Variants in FAM210A observed in about 807,000 individuals in gnomAD.
The protein encoded by FAM210A is family with sequence similarity 210 member A.
In FAM210A, 13 loss-of-function variants were observed where a neutral mutation model predicts 25.3. The ratio of observed to expected loss-of-function variants is 0.51; its 90% confidence interval spans 0.33 to 0.82. The LOEUF (loss-of-function observed/expected upper bound fraction) is 0.82, where lower values mean the gene tolerates loss of function less well. Ranked by LOEUF, FAM210A falls within the 40% of genes least tolerant of loss-of-function variation. The pLI, the probability that FAM210A is intolerant of heterozygous loss-of-function variation, is 0.02. For synonymous variants in FAM210A, 125 were observed against 118.7 expected (o/e 1.05, Z -0.35); for missense variants, 319 against 323.2 (o/e 0.99, Z 0.10).
At chr18:13,681,535 C>T in intron 2 of FAM210A, 70 bp downstream of exon 2, 1 of 1,223,980 alleles carries the variant, frequency 8.2e-7, no homozygotes, top group Non-Finnish European at 1.1e-6. Context: ...CTAAAGCTAT[C>T]ATTAGTACAA....
chr18:13,706,373 G>A (rs2043778307), intron 1 of FAM210A, among the ~76,000 whole-genome samples: 1 of 151,348 alleles, frequency 6.6e-6, no homozygotes, highest in South Asian at 2.1e-4. Flanking sequence ...CGTCTGTTGT[G>A]TGAACTTATG....
intron 1 of FAM210A, among the ~76,000 whole-genome samples, chr18:13,683,964 CCT>C (rs778572388): frequency 7.9e-5 from 12 of 152,236 alleles, no homozygotes; most frequent in South Asian, 2.1e-4. Flanking sequence ...AAATTAATCC[CCT>C]GACTCATCCC....
chr18:13,701,892 C>A (rs1381985307), intron 1 of FAM210A, among the ~76,000 whole-genome samples: 2 of 152,178 alleles, frequency 1.3e-5, no homozygotes, highest in Non-Finnish European at 2.9e-5. Flanking sequence ...GGGTTAGAGG[C>A]CCTCCTGTCA....
intron 1 of FAM210A, among the ~76,000 whole-genome samples, chr18:13,721,219 G>A (rs2043895453): frequency 6.6e-6 from 1 of 152,068 alleles, no homozygotes; most frequent in South Asian, 2.1e-4. Context: ...GTGTATTTTT[G>A]GCTTTGTTAG....
intron 1 of FAM210A, among the ~76,000 whole-genome samples, chr18:13,688,131 T>C (rs1320360448): frequency 3.3e-5 from 5 of 152,122 alleles, no homozygotes; most frequent in Non-Finnish European, 5.9e-5. Context: ...GATACAATGA[T>C]AGGGACAGGA....
intron 3 of FAM210A, among the ~76,000 whole-genome samples, chr18:13,668,917 A>ACTGC (rs1457242706): frequency 6.6e-6 from 1 of 152,188 alleles, no homozygotes; most frequent in Non-Finnish European, 1.5e-5. Context: ...GTGGCACATG[A>ACTGC]CTGCATGTTC....
At chr18:13,691,269 T>A (rs944005813) in intron 1 of FAM210A, among the ~76,000 whole-genome samples, 4 of 152,130 alleles carry the variant, frequency 2.6e-5, no homozygotes, top group Admixed American at 2.0e-4. Context: ...AAAGACCAAA[T>A]CTACGTCTGA....
intron 3 of FAM210A, among the ~76,000 whole-genome samples, chr18:13,667,760 A>C (rs905716551): frequency 7.1e-6 from 1 of 140,582 alleles, no homozygotes; most frequent in Non-Finnish European, 1.6e-5. Flanking sequence ...GGCAGGTACA[A>C]TGGCTCACGC....
At chr18:13,695,081 G>C (rs2043680943) in intron 1 of FAM210A, among the ~76,000 whole-genome samples, 1 of 152,186 alleles carries the variant, frequency 6.6e-6, no homozygotes. Context: ...CTAAAAAGAA[G>C]ACATTTATGC....
Position 13,681,781 on chromosome 18 carries a change from AC to A in FAM210A, c.296del (p.Ser99MetfsTer39). 6.2e-7 allele frequency: 1 copy of A among 1,614,174 alleles called. No individual in the cohort carries two copies. The highest frequency in any genetic ancestry group is 8.5e-7 in the Non-Finnish European group (1 of 1,180,042). ...HVSFRRVFSS[S>X]ATAQGTPEKK... is the part of the protein sequence containing the mutation. ...TTTCCGGAGTTCCCTGAGCTGTGGC[AC>A]TGGATGAAAAAACCCTCCTGAATGA... On this transcript the variant is annotated frameshift_variant, in exon 2 of 4. Transcript: ENST00000651643. LOFTEE classifies it high-confidence loss of function.
rs1252803042 is a variant in FAM210A at position 13,682,066 on chromosome 18, A to G, written c.12T>C (p.Asn4=). 1.7e-5 allele frequency: 27 copies of G among 1,578,784 alleles called. No individual in the cohort carries two copies. The highest frequency in any genetic ancestry group is 2.2e-5 in the East Asian group (1 of 44,472). The change falls in exon 2 of 4, where the codon AAT becomes AAC. Residue 4 remains asparagine, a synonymous_variant. Coordinates refer to ENST00000651643, the MANE Select transcript of FAM210A (RefSeq NM_152352.4). Reference sequence around the variant, plus strand: ...CCAGTCGAGATACAGTCCGTGGTACATTCCATTGCATTTTGAAGAGTGTTG... The same window carrying G: ...CCAGTCGAGATACAGTCCGTGGTACGTTCCATTGCATTTTGAAGAGTGTTG... MQW[N]VPRTVSRLAR... is the part of the protein sequence containing the mutation.
intron 1 of FAM210A, chr18:13,697,602 T>C (rs1028940195): frequency 7.1e-6 from 1 of 141,828 alleles, no homozygotes; most frequent in Non-Finnish European, 1.5e-5. Context: ...TCCCAGCTAC[T>C]GGAGAGGCTG....
At chr18:13,703,758 C>T (rs1378087478) in intron 1 of FAM210A, among the ~76,000 whole-genome samples, 2 of 152,098 alleles carry the variant, frequency 1.3e-5, no homozygotes, top group Non-Finnish European at 2.9e-5. Flanking sequence ...GAAAAACAAG[C>T]ACTTAAACAT....
At chr18:13,716,753 G>C (rs773986166) in intron 1 of FAM210A, among the ~76,000 whole-genome samples, 3 of 152,156 alleles carry the variant, frequency 2.0e-5, no homozygotes, top group Non-Finnish European at 4.4e-5. Flanking sequence ...CCTGCCTCCT[G>C]TTGCTGCCTT....
chr18:13,706,292 G>C (rs1178067902), intron 1 of FAM210A, among the ~76,000 whole-genome samples: 1 of 148,190 alleles, frequency 6.7e-6, no homozygotes, highest in African/African-American at 2.5e-5. Context: ...ACTACCATGA[G>C]ACTCTTATCT....
At chr18:13,706,391 C>G (rs1186100115) in intron 1 of FAM210A, among the ~76,000 whole-genome samples, 1 of 151,578 alleles carries the variant, frequency 6.6e-6, no homozygotes, top group Non-Finnish European at 1.5e-5. Flanking sequence ...ATGGGGTATA[C>G]TTTTATTTGA....
chr18:13,689,293 T>C (rs1475682030), intron 1 of FAM210A, among the ~76,000 whole-genome samples: 1 of 152,212 alleles, frequency 6.6e-6, no homozygotes, highest in Non-Finnish European at 1.5e-5. Context: ...GATGGCCCAA[T>C]AAGCCTCCAC....
chr18:13,704,902 C>G (rs1413387557), intron 1 of FAM210A, among the ~76,000 whole-genome samples: 4 of 152,072 alleles, frequency 2.6e-5, no homozygotes, highest in Non-Finnish European at 5.9e-5. Context: ...CAGTTAATTG[C>G]TTAATGCGGT....
chr18:13,681,860 G>C lies in FAM210A; in HGVS notation c.218C>G (p.Ala73Gly). Residue 73 changes from alanine (A) to glycine (G), a missense_variant, in exon 2 of 4, where the codon GCT becomes GGT. Ala to Gly is a moderately conservative substitution (Grantham distance 60, BLOSUM62 0). Transcript: ENST00000651643. The stretch of plus-strand genomic sequence containing the variant: ...AAGGACTCCTGGTTGGGGTGGATGA[G>C]CATCCAATGGCCTCCTTTCCTTTGC... ...CVAKERRPLD[A>G]HPPQPGVLRH... 1 of 1,614,212 alleles carries C rather than the reference G, an allele frequency of 6.2e-7. No individual in the cohort carries two copies. Among genetic ancestry groups the C allele is most frequent in the Non-Finnish European group, 8.5e-7 (1 of 1,180,036 alleles).
Sources: allele counts gnomAD v4.1 joint callset (sites outside exome capture counted in the v4.1 genomes callset), GRCh38; gene constraint gnomAD v4.1.1; transcripts MANE v1.5; gene names NCBI Gene and HGNC (gene_info 2026-07-23, HGNC 2026-07-21).